The following SMCO2 variants were observed in gnomAD, a reference collection of about 807,000 sequenced individuals.
SMCO2 encodes the protein single-pass membrane and coiled-coil domain-containing protein 2.
A neutral mutation model predicts 29.5 loss-of-function variants in SMCO2; 25 were observed. That is an observed-to-expected ratio of 0.85 (90% CI 0.62 to 1.18). The LOEUF (loss-of-function observed/expected upper bound fraction) is 1.18, where lower values mean the gene tolerates loss of function less well. Among genes scored for constraint, SMCO2 ranks in the 50% most tolerant of loss-of-function variants. SMCO2 has a pLI of 0.00. For missense variants in SMCO2, 348 were observed against 344.5 expected (o/e 1.01, Z -0.08); for synonymous variants, 117 against 123.3 (o/e 0.95, Z 0.34).
chr12:27,469,372 TATACCAC>T (rs1949523312), intron 1 of SMCO2, among the ~76,000 whole-genome samples: 1 of 152,200 alleles, frequency 6.6e-6, no homozygotes, highest in South Asian at 2.1e-4. Flanking sequence ...GGGCCCCTTT[TATACCAC>T]ACAAGTCAAG....
the SMCO2 span, among the ~76,000 whole-genome samples, chr12:27,430,479 G>A: frequency 6.6e-6 from 1 of 152,116 alleles, no homozygotes; most frequent in African/African-American, 2.4e-5. Context: ...CAATGAGGCA[G>A]GAGAATTGCT....
the SMCO2 span, among the ~76,000 whole-genome samples, chr12:27,426,665 CATT>C: frequency 1.3e-5 from 2 of 152,162 alleles, no homozygotes; most frequent in South Asian, 2.1e-4. Flanking sequence ...GAAGCTTCAT[CATT>C]AAGTTAGTAA....
chr12:27,472,636 A>G, intron 2 of SMCO2, 140 bp from the exon 3 acceptor site: 1 of 543,278 alleles, frequency 1.8e-6, no homozygotes, highest in Non-Finnish European at 3.2e-6. Flanking sequence ...TCACCCAGAA[A>G]GAACTCAGTA....
At chr12:27,467,457 A>G (rs970069837) in intron 1 of SMCO2, among the ~76,000 whole-genome samples, 2 of 151,298 alleles carry the variant, frequency 1.3e-5, no homozygotes, top group East Asian at 1.9e-4. Context: ...CATTGGTTCA[A>G]TGAGTCTGGG....
rs150513588 is a variant in SMCO2, at chr12:27,498,603, G to A, written c.683+2748G>A. 1.9e-5 allele frequency: 4 copies of A among 211,252 alleles called. No homozygotes were observed. In the East Asian group the frequency reaches 5.1e-4, roughly 27 times the overall value. The allele number at this position is 211,252 out of a possible 1,614,324, so 13.1% of individuals were successfully genotyped here. ...GTCCAAAGGATGTAATCCTGCTTAGGTTTGAACACTGTATGTTTTTACCAC... is the reference window on the plus strand; with the variant it reads ...GTCCAAAGGATGTAATCCTGCTTAGATTTGAACACTGTATGTTTTTACCAC... On this transcript the variant is annotated intron_variant, in intron 7 of 7. Transcript: ENST00000298876.
chr12:27,451,328 G>A, the SMCO2 span, among the ~76,000 whole-genome samples: 22 of 152,044 alleles, frequency 1.4e-4, no homozygotes, highest in Admixed American at 1.4e-3. Flanking sequence ...GTGGGGAGAG[G>A]GGGACCCTGG....
At chr12:27,492,309 G>A (rs1234815157) in intron 5 of SMCO2, among the ~76,000 whole-genome samples, 1 of 151,792 alleles carries the variant, frequency 6.6e-6, no homozygotes, top group African/African-American at 2.4e-5. Context: ...ATTTTATTTT[G>A]TTGGATATTT....
At chr12:27,491,364 A>T (rs1949733854) in intron 5 of SMCO2, among the ~76,000 whole-genome samples, 1 of 152,282 alleles carries the variant, frequency 6.6e-6, no homozygotes, top group African/African-American at 2.4e-5. Flanking sequence ...TAGAATTTCC[A>T]TGTGAATTTC....
intron 7 of SMCO2, among the ~76,000 whole-genome samples, chr12:27,499,333 CAG>C (rs1241310921): frequency 3.3e-5 from 5 of 150,734 alleles, no homozygotes; most frequent in Non-Finnish European, 5.9e-5. Flanking sequence ...CAGCCAGACA[CAG>C]AGGGATATCC....
At chr12:27,498,554 T>C in intron 7 of SMCO2, 1 of 233,602 alleles carries the variant, frequency 4.3e-6, no homozygotes, top group Non-Finnish European at 8.9e-6. Flanking sequence ...GGCTGAGGAG[T>C]TCAATATCCC....
At chr12:27,459,313 G>C in the SMCO2 span, among the ~76,000 whole-genome samples, 1 of 152,058 alleles carries the variant, frequency 6.6e-6, no homozygotes, top group Admixed American at 6.6e-5. Flanking sequence ...GCAGCAACTT[G>C]GATGGAGCTG....
At chr12:27,440,046 TA>T in the SMCO2 span, among the ~76,000 whole-genome samples, 1 of 152,136 alleles carries the variant, frequency 6.6e-6, no homozygotes, top group Non-Finnish European at 1.5e-5. Flanking sequence ...CCAAGGCATT[TA>T]ATGGTCAAAT....
the SMCO2 span, among the ~76,000 whole-genome samples, chr12:27,452,671 T>G: frequency 2.0e-5 from 3 of 152,166 alleles, no homozygotes; most frequent in African/African-American, 7.2e-5. Flanking sequence ...TTATTTTTTG[T>G]AGAATAGGAT....
chr12:27,466,791 A>G (rs78435360), upstream of SMCO2: 4,513 of 152,394 alleles, frequency 0.03, 99 homozygotes, highest in South Asian at 0.049. Flanking sequence ...TTATAAAGGG[A>G]AAGTCCAGCA....
At chr12:27,456,086 A>T in the SMCO2 span, among the ~76,000 whole-genome samples, 441 of 152,314 alleles carry the variant, frequency 2.9e-3, 2 homozygotes, top group African/African-American at 0.01. Context: ...GTGGTGGCCC[A>T]TGCCTGTAAT....
At chr12:27,483,411 T>C (rs1949661952) in intron 4 of SMCO2, among the ~76,000 whole-genome samples, 1 of 152,092 alleles carries the variant, frequency 6.6e-6, no homozygotes, top group Non-Finnish European at 1.5e-5. Context: ...GATTTCTTTA[T>C]CCTTCTCTTT....
At chr12:27,433,536 CACACACAT>C in the SMCO2 span, among the ~76,000 whole-genome samples, 4,365 of 151,080 alleles carry the variant, frequency 0.029, 91 homozygotes, top group Non-Finnish European at 0.046. Context: ...CACACACACA[CACACACAT>C]ATATCATATT....
At chr12:27,489,960 A>AT (rs1182700089) in intron 5 of SMCO2, among the ~76,000 whole-genome samples, 5 of 152,160 alleles carry the variant, frequency 3.3e-5, no homozygotes, top group Admixed American at 6.6e-5. Flanking sequence ...TGAAAGTGAG[A>AT]TTTTTTTAAA....
At chr12:27,477,182 T>A (rs188798736) in intron 4 of SMCO2, among the ~76,000 whole-genome samples, 67 of 151,644 alleles carry the variant, frequency 4.4e-4, no homozygotes, top group African/African-American at 1.3e-3. Context: ...AAGATAGTTT[T>A]GCTGGGTATA....
Sources: allele counts gnomAD v4.1 joint callset (sites outside exome capture counted in the v4.1 genomes callset), GRCh38; gene constraint gnomAD v4.1.1; transcripts MANE v1.5; gene names NCBI Gene and HGNC (gene_info 2026-07-23, HGNC 2026-07-21).